Variants in WASF1 observed in about 807,000 individuals in gnomAD.
WASF1 encodes actin-binding protein WASF1.
WASF1 carries 7 observed loss-of-function variants against 50.5 expected under a neutral mutation model. That is an observed-to-expected ratio of 0.14 (90% confidence interval 0.08 to 0.26). The LOEUF (loss-of-function observed/expected upper bound fraction) is 0.26. WASF1 is among the 10% of genes least tolerant of loss of function. The pLI is 1.00. For synonymous variants in WASF1, 205 were observed against 244.0 expected, an observed-to-expected ratio of 0.84 and a Z score of 1.49; for missense variants, 470 against 694.7, an observed-to-expected ratio of 0.68 and a Z score of 3.64.
intron 2 of WASF1, among the ~76,000 whole-genome samples, chr6:110,170,310 C>T (rs1219075311): frequency 6.6e-6 from 1 of 152,060 alleles, no homozygotes; most frequent in Non-Finnish European, 1.5e-5. Context: ...GCAAACTCCG[C>T]CTCCCAGGCT....
At chr6:110,120,970 A>G (rs1369235444) in intron 4 of WASF1, among the ~76,000 whole-genome samples, 1 of 152,222 alleles carries the variant, frequency 6.6e-6, no homozygotes, top group Admixed American at 6.5e-5. Context: ...GTGCTGGGAA[A>G]ACTGGCTAGC....
At chr6:110,153,108 T>C (rs973368452) in intron 3 of WASF1, among the ~76,000 whole-genome samples, 1 of 152,186 alleles carries the variant, frequency 6.6e-6, no homozygotes, top group Non-Finnish European at 1.5e-5. Flanking sequence ...TTATTGTAAA[T>C]AAAGTAACTT....
In WASF1 at chr6:110,124,210, TCTCTCTCCTCTCTCTCCTCTCTCTC is replaced by T. The variant is rs1774270099; in HGVS notation, c.133+3234_133+3258del. On this transcript the variant is annotated intron_variant, in intron 4 of 10. Transcript: ENST00000392589. ...ATCAGCGTCTCTCTCTCTCTCTCTC[TCTCTCTCCTCTCTCTCCTCTCTCTC>T]CTCTCTCTCTCTCTCTCTCTCTCTC... Among the ~76,000 whole-genome samples the T allele has an allele frequency of 7.6e-5, 6 of 78,434 alleles. 1 individual carries two copies. The highest frequency in any genetic ancestry group is 4.5e-4 in the African/African-American group (6 of 13,432). The allele number at this position is 78,434 out of a possible 152,430, so 51.5% of individuals were successfully genotyped here.
intron 2 of WASF1, among the ~76,000 whole-genome samples, chr6:110,167,144 T>C (rs1185208216): frequency 4.8e-5 from 7 of 146,414 alleles, no homozygotes; most frequent in African/African-American, 1.9e-4. Context: ...ACTCACATAT[T>C]TGTGGTGATA....
At chr6:110,151,071 T>C (rs989257653) in intron 3 of WASF1, among the ~76,000 whole-genome samples, 3 of 152,130 alleles carry the variant, frequency 2.0e-5, no homozygotes, top group African/African-American at 7.2e-5. Context: ...AAACATTTGA[T>C]CTTAAAAAGA....
intron 3 of WASF1, among the ~76,000 whole-genome samples, chr6:110,144,306 G>T (rs943975127): frequency 6.6e-6 from 1 of 152,010 alleles, no homozygotes; most frequent in Non-Finnish European, 1.5e-5. Context: ...TTGGTGATGG[G>T]GTTGTTTGTT....
At chr6:110,145,282 A>G (rs1775501237) in intron 3 of WASF1, among the ~76,000 whole-genome samples, 1 of 152,160 alleles carries the variant, frequency 6.6e-6, no homozygotes, top group South Asian at 2.1e-4. Flanking sequence ...GTGTATAAGA[A>G]TGCTTGTGAT....
intron 4 of WASF1, among the ~76,000 whole-genome samples, chr6:110,126,707 TC>T (rs776667592): frequency 6.6e-6 from 1 of 152,222 alleles, no homozygotes; most frequent in Non-Finnish European, 1.5e-5. Flanking sequence ...AAAAAGCTAA[TC>T]CTTCAATGCA....
At chr6:110,143,339 T>C (rs972383735) in intron 3 of WASF1, among the ~76,000 whole-genome samples, 2 of 150,238 alleles carry the variant, frequency 1.3e-5, no homozygotes, top group African/African-American at 2.5e-5. Context: ...TTTGACAGAA[T>C]TCTAAATTGT....
rs1441576909 is a variant in WASF1 at position 110,120,713 on chromosome 6, G to A, written c.133+6756C>T. ...TTAAAGTTCATATGGAACAAAAAAA[G>A]AGCCTGCATAGCCAAGACAATCCTA... On this transcript the variant is annotated intron_variant, in intron 4 of 10. Transcript: ENST00000392589. 7.2e-5 allele frequency among the ~76,000 whole-genome samples: 11 copies of A among 152,194 alleles called. No homozygotes were observed. The East Asian group carries it at 2.1e-3, about 29-fold the overall frequency.
intron 3 of WASF1, among the ~76,000 whole-genome samples, chr6:110,144,777 G>A (rs1285122811): frequency 1.3e-5 from 2 of 152,052 alleles, no homozygotes; most frequent in African/African-American, 2.4e-5. Context: ...GTAGATATGC[G>A]GCATTATTTC....
intron 3 of WASF1, among the ~76,000 whole-genome samples, chr6:110,136,501 A>T (rs1000913024): frequency 4.6e-5 from 7 of 152,332 alleles, no homozygotes; most frequent in Admixed American, 3.9e-4. Context: ...AAGACTGCCC[A>T]CTAAGACTAT....
At chr6:110,137,027 C>A (rs141755408) in intron 3 of WASF1, among the ~76,000 whole-genome samples, 4 of 152,158 alleles carry the variant, frequency 2.6e-5, no homozygotes, top group Non-Finnish European at 4.4e-5. Flanking sequence ...AGTCATAAAG[C>A]AGGTTTCATG....
chr6:110,164,417 G>C (rs1776386524), intron 2 of WASF1, among the ~76,000 whole-genome samples: 1 of 151,628 alleles, frequency 6.6e-6, no homozygotes, highest in Admixed American at 6.6e-5. Flanking sequence ...TTCACCAAAA[G>C]AGATACACTG....
intron 4 of WASF1, among the ~76,000 whole-genome samples, chr6:110,122,724 T>C (rs1325661285): frequency 4.6e-5 from 7 of 152,198 alleles, no homozygotes; most frequent in Non-Finnish European, 1.0e-4. Flanking sequence ...GAATACAGTA[T>C]ACTACTACAC....
intron 4 of WASF1, among the ~76,000 whole-genome samples, chr6:110,121,786 A>C (rs578091285): frequency 6.6e-6 from 1 of 152,378 alleles, no homozygotes; most frequent in South Asian, 2.1e-4. Context: ...AACCAACCCA[A>C]ATGTCCATCA....
At chr6:110,119,170 A>G (rs1230727735) in intron 4 of WASF1, among the ~76,000 whole-genome samples, 1 of 152,218 alleles carries the variant, frequency 6.6e-6, no homozygotes, top group Non-Finnish European at 1.5e-5. Context: ...GAAAGCTAGC[A>G]GAAGGCAAGA....
chr6:110,127,926 TCTG>T (rs2114517600), intron 3 of WASF1, among the ~76,000 whole-genome samples: 1 of 152,346 alleles, frequency 6.6e-6, no homozygotes, highest in East Asian at 1.9e-4. Context: ...TTTTATTTTC[TCTG>T]GTTTATTTTA....
At chr6:110,154,671 T>A (rs1211586313) in intron 3 of WASF1, among the ~76,000 whole-genome samples, 5 of 152,086 alleles carry the variant, frequency 3.3e-5, no homozygotes, top group African/African-American at 1.2e-4. Flanking sequence ...CTATCCTAAC[T>A]ATACACCTGA....
Sources: gnomAD v4.1 joint callset for allele counts (sites outside exome capture counted in the v4.1 genomes callset) on GRCh38, gnomAD v4.1.1 for gene constraint, MANE v1.5 for transcripts, NCBI Gene and HGNC (gene_info 2026-07-23, HGNC 2026-07-21) for gene names.